GRIK1: variants seen among roughly 807,000 people sequenced by gnomAD.
GRIK1 encodes the protein glutamate receptor ionotropic, kainate 1.
In GRIK1, 69 loss-of-function variants were observed where a neutral mutation model predicts 105.7. That is an observed-to-expected ratio of 0.65 (90% CI 0.54 to 0.80). The LOEUF (loss-of-function observed/expected upper bound fraction) is 0.80. Among genes scored for constraint, GRIK1 ranks in the 30% least tolerant of loss-of-function variants. The pLI is 0.00. For synonymous variants in GRIK1, 438 were observed against 431.3 expected, an observed-to-expected ratio of 1.02 and a Z score of -0.19; for missense variants, 1,109 against 1,167.3, an observed-to-expected ratio of 0.95 and a Z score of 0.73.
intron 1 of GRIK1, among the ~76,000 whole-genome samples, chr21:29,788,428 A>G (rs139295894): frequency 6.6e-6 from 1 of 152,338 alleles, no homozygotes; most frequent in East Asian, 1.9e-4. Context: ...TAAGGAGGCC[A>G]GTGAGCACAG....
At chr21:29,905,945 G>T (rs369885733) in intron 1 of GRIK1, among the ~76,000 whole-genome samples, 33,111 of 147,684 alleles carry the variant, frequency 0.22, 4,098 homozygotes, top group African/African-American at 0.37. Flanking sequence ...TGTTTTTTTT[G>T]TTTGTTTGTT....
At chr21:29,560,366 TTCCTTCCTTCCTTCCTTCCTTC>T (rs2090396659) in intron 15 of GRIK1, among the ~76,000 whole-genome samples, 10 of 25,732 alleles carry the variant, frequency 3.9e-4, no homozygotes, top group African/African-American at 1.5e-3. Flanking sequence ...TTTTTCTTTC[TTCCTTCCTTCCTTCCTTCCTTC>T]CTTCCTTCCT....
At chr21:29,801,221 G>T (rs904945892) in intron 1 of GRIK1, among the ~76,000 whole-genome samples, 5 of 151,438 alleles carry the variant, frequency 3.3e-5, no homozygotes, top group African/African-American at 4.9e-5. Flanking sequence ...GCTATTTTTT[G>T]ACTTACTCTT....
At chr21:29,851,850 T>C (rs926063618) in intron 1 of GRIK1, among the ~76,000 whole-genome samples, 3 of 152,212 alleles carry the variant, frequency 2.0e-5, no homozygotes, top group African/African-American at 7.2e-5. Flanking sequence ...AAATGTCCTG[T>C]CTTCAATACA....
intron 1 of GRIK1, among the ~76,000 whole-genome samples, chr21:29,914,396 G>C (rs547617923): frequency 3.9e-5 from 6 of 152,168 alleles, no homozygotes; most frequent in East Asian, 1.9e-4. Context: ...GGCACATGAA[G>C]AGAAATTCTT....
intron 1 of GRIK1, among the ~76,000 whole-genome samples, chr21:29,802,550 C>T (rs772416612): frequency 1.3e-5 from 2 of 152,138 alleles, no homozygotes; most frequent in Non-Finnish European, 2.9e-5. Flanking sequence ...TCTCATCATC[C>T]TCCATTCTGT....
intron 13 of GRIK1, among the ~76,000 whole-genome samples, chr21:29,578,389 T>C (rs527970602): frequency 3.9e-5 from 6 of 152,314 alleles, no homozygotes; most frequent in African/African-American, 1.4e-4. Context: ...AAAGGAAAAT[T>C]GGAGTTCACC....
At chr21:29,898,559 T>G (rs1304823059) in intron 1 of GRIK1, among the ~76,000 whole-genome samples, 1 of 152,168 alleles carries the variant, frequency 6.6e-6, no homozygotes, top group Non-Finnish European at 1.5e-5. Context: ...GAAAAAGATC[T>G]CCCCGTTGCT....
At chr21:29,649,963 T>G (rs2062698419) in intron 6 of GRIK1, among the ~76,000 whole-genome samples, 2 of 152,212 alleles carry the variant, frequency 1.3e-5, no homozygotes, top group South Asian at 4.1e-4. Flanking sequence ...TGCTTCTCCC[T>G]CTGTCTCTGG....
intron 1 of GRIK1, among the ~76,000 whole-genome samples, chr21:29,828,077 A>C (rs567738746): frequency 1.3e-5 from 2 of 151,496 alleles, no homozygotes; most frequent in Non-Finnish European, 2.9e-5. Flanking sequence ...TATTAAGGTA[A>C]TAGACTTTCT....
At chr21:29,879,337 G>T (rs2069310064) in intron 1 of GRIK1, among the ~76,000 whole-genome samples, 2 of 152,018 alleles carry the variant, frequency 1.3e-5, no homozygotes, top group Non-Finnish European at 2.9e-5. Context: ...GCCAACTGTG[G>T]TACCCAGGAG....
chr21:29,939,653 G>T lies in GRIK1; in HGVS notation c.-153C>A, dbSNP rs1226016514. The stretch of plus-strand genomic sequence containing the variant: ...CCACGGAGCGAGCTCGAGGGAACCC[G>T]CGTGGGACCGCGGAGCTGGCTGGCA... On this transcript the variant is annotated 5_prime_UTR_variant, in exon 1 of 18. Transcript: ENST00000327783. 3 of 535,748 alleles carry T rather than the reference G, an allele frequency of 5.6e-6. No individual in the cohort carries two copies. In the Admixed American group the frequency reaches 1.1e-4, roughly 20 times the overall value. The allele number at this position is 535,748 out of a possible 1,614,324, so 33.2% of individuals were successfully genotyped here.
At chr21:29,744,286 G>T (rs544301576) in intron 1 of GRIK1, among the ~76,000 whole-genome samples, 2 of 152,178 alleles carry the variant, frequency 1.3e-5, no homozygotes, top group Non-Finnish European at 2.9e-5. Flanking sequence ...TTCATCTAGA[G>T]ATGACAATTC....
chr21:29,568,426 G>A (rs1252463737), intron 14 of GRIK1, among the ~76,000 whole-genome samples: 7 of 152,094 alleles, frequency 4.6e-5, no homozygotes, highest in African/African-American at 7.2e-5. Context: ...CTTTTGGGTT[G>A]GTGACAGCAC....
At chr21:29,775,664 T>A (rs1244432335) in intron 1 of GRIK1, among the ~76,000 whole-genome samples, 1 of 152,192 alleles carries the variant, frequency 6.6e-6, no homozygotes, top group Non-Finnish European at 1.5e-5. Context: ...TCCAACTGTG[T>A]GCTATTTTGC....
chr21:29,764,946 T>C (rs894440841), intron 1 of GRIK1, among the ~76,000 whole-genome samples: 9 of 152,222 alleles, frequency 5.9e-5, no homozygotes, highest in African/African-American at 2.2e-4. Flanking sequence ...AGACTATTTA[T>C]AAAATGCATT....
At chr21:29,630,600 A>G (rs1385333633) in intron 7 of GRIK1, 1 of 471,448 alleles carries the variant, frequency 2.1e-6, no homozygotes, top group Admixed American at 2.3e-5. Context: ...GTGAGCTTGG[A>G]AGAGGACCTT....
At chr21:29,860,688 G>A (rs1335145563) in intron 1 of GRIK1, among the ~76,000 whole-genome samples, 5 of 152,192 alleles carry the variant, frequency 3.3e-5, no homozygotes. Flanking sequence ...TTGGAGGAGA[G>A]TTAGATAATT....
At chr21:29,798,778 A>C (rs2066624941) in intron 1 of GRIK1, among the ~76,000 whole-genome samples, 1 of 152,208 alleles carries the variant, frequency 6.6e-6, no homozygotes, top group South Asian at 2.1e-4. Flanking sequence ...CGTGCTGACA[A>C]ATTCTAGGGA....
Sources: gnomAD v4.1 joint callset for allele counts (sites outside exome capture counted in the v4.1 genomes callset) on GRCh38, gnomAD v4.1.1 for gene constraint, MANE v1.5 for transcripts, NCBI Gene and HGNC (gene_info 2026-07-23, HGNC 2026-07-21) for gene names.